The following PXDN variants were observed in gnomAD, a reference collection of about 807,000 sequenced individuals.
PXDN encodes peroxidasin.
A neutral mutation model predicts 140.3 loss-of-function variants in PXDN; 77 were observed. That is an observed-to-expected ratio of 0.55 (90% CI 0.46 to 0.66). The LOEUF (loss-of-function observed/expected upper bound fraction) is 0.66. Ranked by LOEUF, PXDN falls within the 30% of genes least tolerant of loss-of-function variation. The probability of loss-of-function intolerance (pLI) is 0.00; values close to 1 mark genes in which losing one functional copy is unlikely to be tolerated. For missense variants in PXDN, 1,838 were observed against 2,039.5 expected, an observed-to-expected ratio of 0.90 and a Z score of 1.90; for synonymous variants, 911 against 857.4, an observed-to-expected ratio of 1.06 and a Z score of -1.09.
Position 1,644,676 on chromosome 2 carries a change from C to T in PXDN, c.3685G>A (p.Gly1229Ser), listed in dbSNP as rs769970319. 1 of 1,606,194 alleles carries T rather than the reference C, an allele frequency of 6.2e-7. No homozygotes were observed. The highest frequency in any genetic ancestry group is 2.2e-5 in the East Asian group (1 of 44,602). The change falls in exon 18 of 23, where the codon GGC becomes AGC. Residue 1229 changes from glycine to serine, a missense_variant. By Grantham distance (56) the Gly-to-Ser change is moderately conservative (BLOSUM62 0). Coordinates refer to ENST00000252804, the MANE Select transcript of PXDN (RefSeq NM_012293.3). The stretch of plus-strand genomic sequence containing the variant: ...CTGAGAAGACACATCAGGGTGGGGC[C>T]CAGCCGGCTGCCAGGCACCAGGTCC... The part of the protein sequence containing the change: ...VEDLVPGSRL[G>S]PTLMCLLSTQ...
intron 1 of PXDN, among the ~76,000 whole-genome samples, chr2:1,731,542 C>G (rs1452689277): frequency 6.6e-6 from 1 of 152,192 alleles, no homozygotes; most frequent in Non-Finnish European, 1.5e-5. Context: ...CGGGGCACAG[C>G]TGGGATCCTT....
At position 1,638,927 on chromosome 2, in the gene PXDN, T is replaced by C; in HGVS notation, c.4125A>G (p.Thr1375=). The change falls in exon 21 of 23, where the codon ACA becomes ACG. Residue 1375 remains threonine (T), a synonymous_variant. Coordinates refer to ENST00000252804, the MANE Select transcript of PXDN (RefSeq NM_012293.3). The stretch of plus-strand genomic sequence containing the variant: ...CATTTGTCCCAGATGCATCTGAGCG[T>C]GTGCTGAAGGCTGAGGTGCTGTTGC... ...HLSNSTSAFS[T]RSDASGTNDF... The C allele has an allele frequency of 6.2e-7, 1 of 1,613,972 alleles. No homozygotes were observed. Among genetic ancestry groups the C allele is most frequent in the African/African-American group, 1.3e-5 (1 of 75,048 alleles).
rs1323791044 is a variant in PXDN at position 1,639,486 on chromosome 2, C to T, written c.3953-64G>A. On this transcript the variant is annotated intron_variant, in intron 19 of 22. Transcript: ENST00000252804. The surrounding 1 kb of genome is among the most constrained non-coding windows in gnomAD (Gnocchi z 5.0). ...GCTCTGACCTCGGGGAAATTAAGCA[C>T]ATCCTGCCAACTATGAAGTCTTCAC... is the stretch of plus-strand genomic sequence containing the variant. The T allele has an allele frequency of 1.2e-6, 2 of 1,605,946 alleles. No individual in the cohort carries two copies. The highest frequency in any genetic ancestry group is 2.2e-5 in the East Asian group (1 of 44,726).
In PXDN at chr2:1,634,135, G is replaced by GCTCCCTGCCATCGGCCACCCGAT; in HGVS notation, c.*46_*68dup. The GCTCCCTGCCATCGGCCACCCGAT allele has an allele frequency of 6.5e-7, 1 of 1,539,108 alleles. No individual in the cohort carries two copies. Among genetic ancestry groups the GCTCCCTGCCATCGGCCACCCGAT allele is most frequent in the South Asian group, 1.2e-5 (1 of 83,098 alleles). On this transcript the variant is annotated 3_prime_UTR_variant, in exon 23 of 23. Transcript: ENST00000252804. ...GGTGTTTCCTGGTCTGCAGTCCGCAGCTCCCTGCCATCGGCCACCCGATCT... is the reference window on the plus strand; with the variant it reads ...GGTGTTTCCTGGTCTGCAGTCCGCAGCTCCCTGCCATCGGCCACCCGATCTCCCTGCCATCGGCCACCCGATCT...
Position 1,649,352 on chromosome 2 carries a change from G to A in PXDN, c.2428C>T (p.Pro810Ser), listed in dbSNP as rs765122630. 1.2e-6 allele frequency: 2 copies of A among 1,613,950 alleles called. No homozygotes were observed. Among genetic ancestry groups the A allele is most frequent in the South Asian group, 2.2e-5 (2 of 91,084 alleles). The stretch of plus-strand genomic sequence containing the variant: ...AGCATGTGGGTGAACTGCTCGTCGG[G>A]TGTGACGGTCTCCGTCCCGATCAGG... ...TTLIGTETVT[P>S]DEQFTHMLMQ... The change falls in exon 17 of 23, where the codon CCC (proline) becomes TCC (serine). Residue 810 changes from proline to serine, a missense_variant. This residue lies in a region of PXDN where 537 missense variants were observed against 583.9 expected (regional missense o/e 0.92). Transcript: ENST00000252804. The surrounding 1 kb of genome is among the most constrained non-coding windows in gnomAD (Gnocchi z 7.1).
In PXDN at chr2:1,649,555, C is replaced by T. The variant is rs777652296; in HGVS notation, c.2225G>A (p.Arg742Gln). Residue 742 changes from arginine (R) to glutamine (Q), a missense_variant, in exon 17 of 23, where the codon CGG becomes CAG. Coordinates refer to ENST00000252804, the MANE Select transcript of PXDN (RefSeq NM_012293.3). This position sits in a 1 kb window ranked among gnomAD's most constrained non-coding sequence, Gnocchi z 7.1. ...CSDMCFHQKY[R>Q]THDGTCNNLQ... ...GTTGTTACAGGTGCCGTCGTGCGTC[C>T]GGTACTTCTGGTGGAAGCACATGTC... 21 of 1,613,912 alleles carry T rather than the reference C, an allele frequency of 1.3e-5. 1 individual carries two copies. The highest frequency in any genetic ancestry group is 1.6e-4 in the Middle Eastern group (1 of 6,084).
Position 1,642,294 on chromosome 2 carries a change from A to C in PXDN, c.3952+1074T>G, listed in dbSNP as rs75280753. On this transcript the variant is annotated intron_variant, in intron 19 of 22. Transcript: ENST00000252804. Reference sequence around the variant, plus strand: ...ACAGAGGCACGCACTCTCTTAGAAGAAGCTGCTAAAACACAGCTCTATTAT... The same window carrying C: ...ACAGAGGCACGCACTCTCTTAGAAGCAGCTGCTAAAACACAGCTCTATTAT... 8.6e-3 allele frequency among the ~76,000 whole-genome samples: 1,313 copies of C among 152,266 alleles called. 21 individuals carry two copies. Among genetic ancestry groups the C allele is most frequent in the African/African-American group, 0.03 (1,263 of 41,532 alleles).
At chr2:1,720,982 C>G (rs1685036847) in intron 1 of PXDN, among the ~76,000 whole-genome samples, 1 of 152,192 alleles carries the variant, frequency 6.6e-6, no homozygotes, top group Non-Finnish European at 1.5e-5. Flanking sequence ...GGAATTCCCT[C>G]CTGCTCCGGG....
At chr2:1,641,772 A>G (rs1682733337) in intron 19 of PXDN, among the ~76,000 whole-genome samples, 1 of 152,246 alleles carries the variant, frequency 6.6e-6, no homozygotes. Context: ...GAAGTCTTTC[A>G]AAGGACTTTG....
Position 1,634,202 on chromosome 2 carries a change from G to T in PXDN, c.*2C>A. 6.4e-7 allele frequency: 1 copy of T among 1,572,220 alleles called. No individual in the cohort carries two copies. The highest frequency in any genetic ancestry group is 8.6e-7 in the Non-Finnish European group (1 of 1,158,196). On this transcript the variant is annotated 3_prime_UTR_variant, in exon 23 of 23. Transcript: ENST00000252804. ...ACAAACTCTGAGGAGCCTCCCAGGA[G>T]CCTAGGGCTTTTCCTCCGCCCTCTT...
In PXDN at chr2:1,714,569, C is replaced by T. The variant is rs1004523149; in HGVS notation, c.201-21435G>A. On this transcript the variant is annotated intron_variant, in intron 1 of 22. Transcript: ENST00000252804. The surrounding 1 kb of genome is among the most constrained non-coding windows in gnomAD (Gnocchi z 4.3). The stretch of plus-strand genomic sequence containing the variant: ...CATTCCCTGAAAGGCCAGGTGGGGA[C>T]ATCTTTGCTTGAGGTGCAGATCCTG... Among the ~76,000 whole-genome samples the T allele has an allele frequency of 6.6e-6, 1 of 152,166 alleles. No homozygotes were observed. Among genetic ancestry groups the T allele is most frequent in the Admixed American group, 6.5e-5 (1 of 15,270 alleles).
intron 17 of PXDN, among the ~76,000 whole-genome samples, chr2:1,645,330 T>C (rs747894723): frequency 3.9e-5 from 6 of 152,332 alleles, no homozygotes; most frequent in East Asian, 3.9e-4. Flanking sequence ...CTTAGAAATA[T>C]AGGCTTATAA....
intron 14 of PXDN, among the ~76,000 whole-genome samples, chr2:1,658,069 T>C (rs974545742): frequency 0.031 from 2,283 of 73,782 alleles, 516 homozygotes; most frequent in Non-Finnish European, 0.045. Flanking sequence ...TCTCTCTCTC[T>C]CTCTCTCTCT....
intron 21 of PXDN, 134 bp from the exon 22 acceptor site, chr2:1,635,655 C>T: frequency 1.3e-6 from 1 of 761,676 alleles, no homozygotes; most frequent in Non-Finnish European, 2.2e-6. Context: ...TTCTGAAGAA[C>T]TTTTACAGAA....
intron 4 of PXDN, among the ~76,000 whole-genome samples, chr2:1,686,223 G>A (rs1368596246): frequency 2.6e-5 from 4 of 152,164 alleles, no homozygotes; most frequent in Admixed American, 6.5e-5. Context: ...GCCCGAGGGC[G>A]GGGCTCGGGC....
chr2:1,679,283 A>G (rs146213313), intron 7 of PXDN, among the ~76,000 whole-genome samples: 1,360 of 131,542 alleles, frequency 0.01, 11 homozygotes, highest in Middle Eastern at 0.055. Flanking sequence ...TTGTATGTGC[A>G]TGTGTGTGTG....
At chr2:1,646,998 C>T (rs998164974) in intron 17 of PXDN, among the ~76,000 whole-genome samples, 1 of 152,148 alleles carries the variant, frequency 6.6e-6, no homozygotes, top group Non-Finnish European at 1.5e-5. Context: ...CAGGTTCAAG[C>T]AATTCTCCTG....
intron 1 of PXDN, among the ~76,000 whole-genome samples, chr2:1,704,533 G>A (rs1286881264): frequency 9.4e-6 from 1 of 105,864 alleles, no homozygotes. Context: ...GACAACTCCA[G>A]GTGAAGGGGG....
At chr2:1,738,891 C>G (rs1242114447) in intron 1 of PXDN, among the ~76,000 whole-genome samples, 1 of 152,144 alleles carries the variant, frequency 6.6e-6, no homozygotes, top group East Asian at 1.9e-4. Context: ...TGACGTCTGC[C>G]CTGCAGACTG....
Sources: allele counts gnomAD v4.1 joint callset (sites outside exome capture counted in the v4.1 genomes callset), GRCh38; gene constraint gnomAD v4.1.1; regional missense constraint gnomAD v4.1.1; non-coding constraint Gnocchi (gnomAD v3.1); transcripts MANE v1.5; gene names NCBI Gene and HGNC (gene_info 2026-07-23, HGNC 2026-07-21).